ELMO1: variants seen among roughly 807,000 people sequenced by gnomAD.
The protein encoded by ELMO1 is engulfment and cell motility 1.
ELMO1 carries 26 observed loss-of-function variants against 98.9 expected under a neutral mutation model. That is an observed-to-expected ratio of 0.26 (90% CI 0.19 to 0.36). The LOEUF (loss-of-function observed/expected upper bound fraction) is 0.36. Among genes scored for constraint, ELMO1 ranks in the 10% least tolerant of loss-of-function variants. The pLI is 1.00. For synonymous variants in ELMO1, 346 were observed against 346.0 expected (o/e 1.00, Z 0.00); for missense variants, 627 against 935.2 (o/e 0.67, Z 4.30).
intron 15 of ELMO1, 35 bp downstream of exon 15, chr7:37,096,584 A>T: frequency 6.3e-7 from 1 of 1,589,676 alleles, no homozygotes; most frequent in South Asian, 1.1e-5. Context: ...GGACTCTGCC[A>T]GCTTCACACC....
Position 37,342,591 on chromosome 7 carries a change from C to T in ELMO1, c.78+22G>A. The T allele has an allele frequency of 6.2e-7, 1 of 1,611,866 alleles. No individual in the cohort carries two copies. The highest frequency in any genetic ancestry group is 8.5e-7 in the Non-Finnish European group (1 of 1,178,144). ...TAGAAAGGAAACTGAAAATAGACAC[C>T]CAATGCTGTCACGTTACTAACCTGA... is the stretch of plus-strand genomic sequence containing the variant. On this transcript the variant is annotated intron_variant, in intron 2 of 21. Coordinates refer to ENST00000310758, the MANE Select transcript of ELMO1 (RefSeq NM_014800.11). The surrounding 1 kb of genome is among the most constrained non-coding windows in gnomAD (Gnocchi z 4.3).
intron 15 of ELMO1, among the ~76,000 whole-genome samples, chr7:37,061,486 A>G (rs540773876): frequency 1.3e-5 from 2 of 152,178 alleles, no homozygotes; most frequent in East Asian, 3.9e-4. Context: ...TACTGACCCA[A>G]TCTCTTTCCT....
intron 16 of ELMO1, among the ~76,000 whole-genome samples, chr7:36,993,074 C>T (rs1335180292): frequency 6.6e-6 from 1 of 152,082 alleles, no homozygotes; most frequent in African/African-American, 2.4e-5. Flanking sequence ...ACTCAGCTTA[C>T]CCTGGCAAGC....
chr7:37,018,396 G>C (rs1042231969), intron 15 of ELMO1, among the ~76,000 whole-genome samples: 2 of 151,922 alleles, frequency 1.3e-5, no homozygotes, highest in African/African-American at 4.8e-5. Context: ...AAAGTGCTGG[G>C]ATTACAGGTG....
At chr7:37,313,562 A>G (rs779203360) in intron 4 of ELMO1, among the ~76,000 whole-genome samples, 11 of 152,204 alleles carry the variant, frequency 7.2e-5, no homozygotes, top group Non-Finnish European at 1.5e-4. Context: ...TTACAAAGAA[A>G]CATTTGACGT....
At chr7:36,879,710 T>G (rs1336485387) in intron 18 of ELMO1, among the ~76,000 whole-genome samples, 2 of 152,198 alleles carry the variant, frequency 1.3e-5, no homozygotes, top group Non-Finnish European at 2.9e-5. Flanking sequence ...TCCATAGATT[T>G]AAAGGAATCT....
chr7:37,219,179 G>C (rs1227461933), intron 10 of ELMO1, among the ~76,000 whole-genome samples: 1 of 152,162 alleles, frequency 6.6e-6, no homozygotes, highest in Non-Finnish European at 1.5e-5. Context: ...AGAAGGGAAG[G>C]GAGTTCCCAG....
chr7:37,264,096 C>T (rs987102334), intron 5 of ELMO1, among the ~76,000 whole-genome samples: 15 of 152,054 alleles, frequency 9.9e-5, no homozygotes, highest in African/African-American at 1.4e-4. Flanking sequence ...AACATCCTCA[C>T]GAGGCAATAT....
chr7:37,182,618 CTT>C (rs1303857877), intron 13 of ELMO1, among the ~76,000 whole-genome samples: 6 of 151,582 alleles, frequency 4.0e-5, no homozygotes, highest in Non-Finnish European at 8.8e-5. Flanking sequence ...TTGACAAGCG[CTT>C]TTTCATTTGC....
intron 16 of ELMO1, chr7:36,997,886 A>C (rs1792337766): frequency 6.6e-6 from 1 of 152,404 alleles, no homozygotes; most frequent in South Asian, 2.1e-4. Context: ...AGGATGAACA[A>C]GAACAATCAG....
chr7:36,880,911 G>C lies in ELMO1; in HGVS notation c.1715-2794C>G, dbSNP rs573418516. On this transcript the variant is annotated intron_variant, in intron 18 of 21. Coordinates refer to ENST00000310758, the MANE Select transcript of ELMO1 (RefSeq NM_014800.11). ...AAAGAAAACCCAAAGGGTCTGCAGC[G>C]GACAGATTTTCCTCCTTTCCAAAGC... Among the ~76,000 whole-genome samples, 4 of 152,280 alleles carry C rather than the reference G, an allele frequency of 2.6e-5. No individual in the cohort carries two copies. The East Asian group carries it at 7.7e-4, about 29-fold the overall frequency.
At chr7:37,076,450 C>T (rs1203758625) in intron 15 of ELMO1, among the ~76,000 whole-genome samples, 1 of 152,142 alleles carries the variant, frequency 6.6e-6, no homozygotes, top group East Asian at 1.9e-4. Flanking sequence ...TCTCTTTTGC[C>T]CATCTCACCA....
chr7:36,919,749 C>T (rs548675866), intron 16 of ELMO1, among the ~76,000 whole-genome samples: 189 of 152,192 alleles, frequency 1.2e-3, no homozygotes, highest in Non-Finnish European at 2.0e-3. Context: ...ATGCTGGGCT[C>T]ACGGGGAAGA....
At chr7:37,055,381 T>G (rs931528734) in intron 15 of ELMO1, among the ~76,000 whole-genome samples, 1 of 152,190 alleles carries the variant, frequency 6.6e-6, no homozygotes, top group African/African-American at 2.4e-5. Context: ...TTTTGGCAAT[T>G]AAGACTACAG....
chr7:37,134,558 CAA>C (rs370768267), intron 13 of ELMO1, among the ~76,000 whole-genome samples: 25 of 89,206 alleles, frequency 2.8e-4, no homozygotes, highest in Middle Eastern at 6.3e-3. Flanking sequence ...GACTCCATCT[CAA>C]AAAAAAAAAA....
At chr7:37,163,194 CA>C (rs1241177935) in intron 13 of ELMO1, among the ~76,000 whole-genome samples, 5 of 152,142 alleles carry the variant, frequency 3.3e-5, no homozygotes. Context: ...ATCCTTAAAT[CA>C]GACCTCTGAA....
At chr7:37,206,310 G>A (rs1792615212) in intron 13 of ELMO1, among the ~76,000 whole-genome samples, 1 of 152,108 alleles carries the variant, frequency 6.6e-6, no homozygotes, top group Admixed American at 6.5e-5. Context: ...ACATGAAAAT[G>A]TCAAGTACCT....
At chr7:37,376,336 GGCCTGA>G (rs781293350) in intron 1 of ELMO1, among the ~76,000 whole-genome samples, 1 of 152,076 alleles carries the variant, frequency 6.6e-6, no homozygotes, top group Non-Finnish European at 1.5e-5. Context: ...CTATGGGAGG[GGCCTGA>G]GTACCTGCAT....
chr7:36,901,390 T>C (rs917300423), intron 16 of ELMO1, among the ~76,000 whole-genome samples: 2 of 152,232 alleles, frequency 1.3e-5, no homozygotes, highest in Admixed American at 6.5e-5. Context: ...TAAGGGCAGA[T>C]AGCAGTATTT....
Sources: gnomAD v4.1 joint callset for allele counts (sites outside exome capture counted in the v4.1 genomes callset) on GRCh38, gnomAD v4.1.1 for gene constraint, Gnocchi (gnomAD v3.1) non-coding constraint, MANE v1.5 for transcripts, NCBI Gene and HGNC (gene_info 2026-07-23, HGNC 2026-07-21) for gene names.